Variants in FBXO16 observed in about 807,000 individuals in gnomAD.
The protein encoded by FBXO16 is F-box only protein 16.
FBXO16 carries 31 observed loss-of-function variants against 41.0 expected under a neutral mutation model. The ratio of observed to expected loss-of-function variants is 0.76; its 90% CI spans 0.57 to 1.02. The LOEUF (loss-of-function observed/expected upper bound fraction) is 1.02, where lower values mean the gene tolerates loss of function less well. Ranked by LOEUF, FBXO16 falls within the 50% of genes least tolerant of loss-of-function variation. The pLI, the probability that FBXO16 is intolerant of heterozygous loss-of-function variation, is 0.00. For synonymous variants in FBXO16, 133 were observed against 117.8 expected, an observed-to-expected ratio of 1.13 and a Z score of -0.84; for missense variants, 361 against 346.2, an observed-to-expected ratio of 1.04 and a Z score of -0.34.
intron 7 of FBXO16, among the ~76,000 whole-genome samples, chr8:28,446,608 A>C (rs1322614294): frequency 6.6e-6 from 1 of 151,470 alleles, no homozygotes; most frequent in Non-Finnish European, 1.5e-5. Context: ...GCGGTGGCTC[A>C]TGCTTGTAAT....
At chr8:28,486,714 A>G (rs1392085045) in intron 1 of FBXO16, among the ~76,000 whole-genome samples, 1 of 151,912 alleles carries the variant, frequency 6.6e-6, no homozygotes, top group African/African-American at 2.4e-5. Context: ...CTGTGGTCCC[A>G]GCTACTTGGG....
At chr8:28,478,803 C>T (rs1803463071) in intron 2 of FBXO16, among the ~76,000 whole-genome samples, 1 of 130,926 alleles carries the variant, frequency 7.6e-6, no homozygotes, top group Admixed American at 8.5e-5. Context: ...GCCTGGGCAA[C>T]ACAATGAATT....
chr8:28,483,983 G>C (rs1220348796), intron 1 of FBXO16, among the ~76,000 whole-genome samples: 1 of 152,228 alleles, frequency 6.6e-6, no homozygotes, highest in Non-Finnish European at 1.5e-5. Context: ...TGGTGAGGTG[G>C]TGGGTTTTAA....
intron 7 of FBXO16, among the ~76,000 whole-genome samples, chr8:28,436,024 G>A (rs1802681899): frequency 6.6e-6 from 1 of 152,212 alleles, no homozygotes; most frequent in Non-Finnish European, 1.5e-5. Flanking sequence ...ACTCACCCCT[G>A]TAAATTGCCT....
chr8:28,488,249 G>C (rs1018926192), intron 1 of FBXO16, among the ~76,000 whole-genome samples: 8 of 150,692 alleles, frequency 5.3e-5, no homozygotes, highest in Non-Finnish European at 8.8e-5. Flanking sequence ...TCAATAGCAA[G>C]GATGGGTCCC....
At chr8:28,469,892 C>T (rs187587498) in intron 3 of FBXO16, among the ~76,000 whole-genome samples, 1 of 148,844 alleles carries the variant, frequency 6.7e-6, no homozygotes, top group African/African-American at 2.5e-5. Context: ...CAGAGCGAGA[C>T]TCCGTCTCAA....
intron 6 of FBXO16, among the ~76,000 whole-genome samples, chr8:28,451,810 C>T (rs987019922): frequency 2.0e-5 from 3 of 151,784 alleles, no homozygotes; most frequent in Admixed American, 6.6e-5. Context: ...TGGTGAAACC[C>T]CTGTCTCTAC....
intron 3 of FBXO16, among the ~76,000 whole-genome samples, chr8:28,469,165 T>C (rs1017337977): frequency 6.7e-6 from 1 of 150,166 alleles, no homozygotes; most frequent in African/African-American, 2.5e-5. Context: ...ATTACAAAAT[T>C]AGCTGGGCAT....
At chr8:28,476,513 T>C (rs1481094135) in intron 2 of FBXO16, among the ~76,000 whole-genome samples, 1 of 152,216 alleles carries the variant, frequency 6.6e-6, no homozygotes, top group African/African-American at 2.4e-5. Context: ...TGCAATCAGG[T>C]TCTTCATTTT....
intron 5 of FBXO16, among the ~76,000 whole-genome samples, chr8:28,454,589 A>C (rs1043548185): frequency 6.6e-6 from 1 of 151,120 alleles, no homozygotes; most frequent in East Asian, 1.9e-4. Context: ...TTAGCCGGGC[A>C]TGGTGGCAGG....
intron 7 of FBXO16, among the ~76,000 whole-genome samples, chr8:28,444,779 C>CT (rs71549666): frequency 0.2 from 6,152 of 30,746 alleles, 2,141 homozygotes; most frequent in Non-Finnish European, 0.26. Flanking sequence ...CGCGCCCGGA[C>CT]TTTTTTTTTT....
In FBXO16 at chr8:28,463,262, G is replaced by A. The variant is rs115302389; in HGVS notation, c.342+350C>T. Among the ~76,000 whole-genome samples, 1,320 of 151,152 alleles carry A rather than the reference G, an allele frequency of 8.7e-3. 12 individuals are homozygous for A. Among genetic ancestry groups the A allele is most frequent in the African/African-American group, 0.022 (924 of 41,106 alleles). Reference sequence around the variant, plus strand: ...TGTGTACACGTTTGTGTGTTTGTGCGTGTATTTGTGTGTGCATGTGTATAT... The same window carrying A: ...TGTGTACACGTTTGTGTGTTTGTGCATGTATTTGTGTGTGCATGTGTATAT... On this transcript the variant is annotated intron_variant, in intron 4 of 8. Transcript: ENST00000380254.
At position 28,439,759 on chromosome 8, in the gene FBXO16, T is replaced by A. The variant is rs531828982; in HGVS notation, c.843+7412A>T. ...AGACCCTGTCTCAAAAAAAAAAAAA[T>A]TAAATTTAAATTTAAAAAACCCCCA... On this transcript the variant is annotated intron_variant, in intron 7 of 8. Coordinates refer to ENST00000380254, the MANE Select transcript of FBXO16 (RefSeq NM_172366.4). 6.6e-5 allele frequency among the ~76,000 whole-genome samples: 10 copies of A among 150,780 alleles called. No homozygotes were observed. The East Asian group carries it at 1.9e-3, about 29-fold the overall frequency.
At chr8:28,435,835 A>C (rs995472117) in intron 7 of FBXO16, among the ~76,000 whole-genome samples, 1 of 152,142 alleles carries the variant, frequency 6.6e-6, no homozygotes, top group African/African-American at 2.4e-5. Context: ...TCAGGCTTTC[A>C]ACTGTCTATA....
At chr8:28,436,091 GAGA>G (rs1802682824) in intron 7 of FBXO16, among the ~76,000 whole-genome samples, 1 of 152,222 alleles carries the variant, frequency 6.6e-6, no homozygotes, top group African/African-American at 2.4e-5. Flanking sequence ...GAGTGCAGAG[GAGA>G]TGGCTGAGGA....
chr8:28,466,320 A>G (rs375909907), intron 3 of FBXO16, among the ~76,000 whole-genome samples: 30 of 152,344 alleles, frequency 2.0e-4, no homozygotes, highest in South Asian at 6.2e-4. Context: ...GATTTATTCT[A>G]TGACCCACAA....
intron 2 of FBXO16, among the ~76,000 whole-genome samples, chr8:28,482,005 C>T (rs2130199736): frequency 1.3e-5 from 2 of 152,160 alleles, no homozygotes; most frequent in East Asian, 1.9e-4. Flanking sequence ...GGGTGCAAAC[C>T]ACTGTTACGT....
intron 7 of FBXO16, among the ~76,000 whole-genome samples, chr8:28,440,752 G>T (rs74916893): frequency 0.011 from 1,611 of 152,312 alleles, 32 homozygotes; most frequent in African/African-American, 0.037. Context: ...GGCAATTAAA[G>T]ACTTTTGTTA....
At chr8:28,446,361 C>G (rs1224136860) in intron 7 of FBXO16, among the ~76,000 whole-genome samples, 1 of 150,964 alleles carries the variant, frequency 6.6e-6, no homozygotes, top group South Asian at 2.1e-4. Context: ...TTAGTGGAGA[C>G]AGGGTTCCGC....
Sources: gnomAD v4.1 joint callset for allele counts (sites outside exome capture counted in the v4.1 genomes callset) on GRCh38, gnomAD v4.1.1 for gene constraint, MANE v1.5 for transcripts, NCBI Gene and HGNC (gene_info 2026-07-23, HGNC 2026-07-21) for gene names.